Variants in SVOPL observed in about 807,000 individuals in gnomAD.
The protein encoded by SVOPL is SVOP like, also known as putative transporter SVOPL.
A neutral mutation model predicts 61.0 loss-of-function variants in SVOPL; 60 were observed. The observed-to-expected ratio is 0.98, with a 90% CI of 0.80 to 1.22. SVOPL has a LOEUF of 1.22. Ranked by LOEUF, SVOPL falls within the 50% of genes most tolerant of loss-of-function variation. SVOPL has a pLI of 0.00. For synonymous variants in SVOPL, 279 were observed against 250.0 expected (o/e 1.12, Z -1.09); for missense variants, 662 against 643.9 (o/e 1.03, Z -0.30).
At chr7:138,642,569 G>A (rs1211825057) in intron 9 of SVOPL, among the ~76,000 whole-genome samples, 1 of 151,940 alleles carries the variant, frequency 6.6e-6, no homozygotes, top group Non-Finnish European at 1.5e-5. Flanking sequence ...GCTCACACCT[G>A]TAATCCTAGC....
Position 138,602,874 on chromosome 7 carries a change from A to G in SVOPL, c.1354-6344T>C, listed in dbSNP as rs2116763979. Among the ~76,000 whole-genome samples the G allele has an allele frequency of 1.3e-5, 2 of 152,248 alleles. 1 individual carries two copies. Among genetic ancestry groups the G allele is most frequent in the South Asian group, 4.2e-4 (2 of 4,816 alleles). On this transcript the variant is annotated intron_variant, in intron 14 of 15. Coordinates refer to ENST00000674285, the MANE Select transcript of SVOPL (RefSeq NM_001139456.2). ...CCTCTTGGTGTGTGTTCGTGTCATC[A>G]GTCTCAACAAGTGAACCAAACTTTG...
chr7:138,611,391 C>G (rs569568282), intron 14 of SVOPL, among the ~76,000 whole-genome samples: 1 of 149,670 alleles, frequency 6.7e-6, no homozygotes, highest in East Asian at 2.0e-4. Flanking sequence ...AACCCCCAAC[C>G]CCAAAACAAA....
At chr7:138,654,951 G>A (rs929502192) in intron 7 of SVOPL, among the ~76,000 whole-genome samples, 1 of 150,962 alleles carries the variant, frequency 6.6e-6, no homozygotes, top group Admixed American at 6.6e-5. Context: ...AGCACTTTAG[G>A]AGGCCAAGGC....
intron 14 of SVOPL, among the ~76,000 whole-genome samples, chr7:138,602,852 C>T (rs1377337565): frequency 6.6e-6 from 1 of 152,044 alleles, no homozygotes; most frequent in Non-Finnish European, 1.5e-5. Context: ...TTTATGCCCT[C>T]TTGGTGTGTG....
At chr7:138,682,990 A>T (rs565567600) in intron 1 of SVOPL, among the ~76,000 whole-genome samples, 69 of 151,946 alleles carry the variant, frequency 4.5e-4, no homozygotes, top group African/African-American at 1.5e-3. Flanking sequence ...AAAGAAAAAA[A>T]AAAGAAAAAC....
chr7:138,662,321 A>G (rs1444990449), intron 5 of SVOPL: 1 of 985,230 alleles, frequency 1.0e-6, no homozygotes, highest in East Asian at 1.1e-4. Context: ...TGTAATTTGG[A>G]CTTCTCTTTT....
At chr7:138,667,014 T>G (rs1373621954) in intron 4 of SVOPL, among the ~76,000 whole-genome samples, 1 of 152,244 alleles carries the variant, frequency 6.6e-6, no homozygotes, top group African/African-American at 2.4e-5. Flanking sequence ...TTAGCCATCC[T>G]GGTGGTCTTT....
chr7:138,697,194 G>T (rs2117150021), intron 1 of SVOPL, among the ~76,000 whole-genome samples: 1 of 152,084 alleles, frequency 6.6e-6, no homozygotes, highest in African/African-American at 2.4e-5. Context: ...AACAGAGTGA[G>T]ACCCCCATCT....
intron 8 of SVOPL, 54 bp from the exon 9 acceptor site, chr7:138,644,899 G>A: frequency 6.2e-7 from 1 of 1,610,304 alleles, no homozygotes; most frequent in Non-Finnish European, 8.5e-7. Flanking sequence ...GAACCCAGGG[G>A]TACAGCTATT....
chr7:138,630,246 C>CATAGG, intron 9 of SVOPL, 124 bp from the exon 10 acceptor site: 1 of 745,122 alleles, frequency 1.3e-6, no homozygotes. Flanking sequence ...GATAACCACT[C>CATAGG]AGCTCCTATG....
Position 138,637,485 on chromosome 7 carries a change from TAGATAG to T in SVOPL, c.789+7226_789+7231del, listed in dbSNP as rs1563108870. Among the ~76,000 whole-genome samples, 45 of 12,716 alleles carry T rather than the reference TAGATAG, an allele frequency of 3.5e-3. 1 individual carries two copies. The highest frequency in any genetic ancestry group is 0.014 in the African/African-American group (40 of 2,876). The allele number at this position is 12,716 out of a possible 152,430, so 8.3% of individuals were successfully genotyped here. On this transcript the variant is annotated intron_variant, in intron 9 of 15. Transcript: ENST00000674285. The stretch of plus-strand genomic sequence containing the variant: ...ATATATATAGATATAGATATAGATA[TAGATAG>T]ATATATATATATATATATAGATAGA...
intron 12 of SVOPL, among the ~76,000 whole-genome samples, chr7:138,627,060 C>T (rs1468234659): frequency 1.3e-5 from 2 of 152,056 alleles, no homozygotes; most frequent in Non-Finnish European, 2.9e-5. Flanking sequence ...AACCAGAGTC[C>T]CGATTCTCCA....
At chr7:138,686,561 GGT>G (rs1491160208) in intron 1 of SVOPL, among the ~76,000 whole-genome samples, 23 of 131,274 alleles carry the variant, frequency 1.8e-4, no homozygotes, top group South Asian at 6.9e-4. Flanking sequence ...TTGTTTTTTG[GGT>G]TTTTTTTTTT....
At chr7:138,675,556 A>G (rs1802538346) in intron 3 of SVOPL, among the ~76,000 whole-genome samples, 1 of 152,020 alleles carries the variant, frequency 6.6e-6, no homozygotes, top group Non-Finnish European at 1.5e-5. Flanking sequence ...AGGGTTTGCC[A>G]TGTTGATAAG....
At chr7:138,663,349 G>T in intron 4 of SVOPL, 1 of 1,419,530 alleles carries the variant, frequency 7.0e-7, no homozygotes. Context: ...AGCCTAACAA[G>T]GCAGATCCTG....
At chr7:138,622,166 G>GTATC (rs1265913848) in intron 13 of SVOPL, among the ~76,000 whole-genome samples, 1 of 35,238 alleles carries the variant, frequency 2.8e-5, no homozygotes, top group African/African-American at 1.0e-4. Context: ...ATCTGTCTAT[G>GTATC]TATCTATCTG....
intron 14 of SVOPL, among the ~76,000 whole-genome samples, chr7:138,606,950 T>C (rs1010862356): frequency 2.0e-5 from 3 of 149,292 alleles, no homozygotes; most frequent in African/African-American, 7.3e-5. Flanking sequence ...CTAGACTCTG[T>C]CTCAAGAAAA....
intron 7 of SVOPL, among the ~76,000 whole-genome samples, chr7:138,655,616 G>A (rs1469984263): frequency 6.8e-6 from 1 of 147,632 alleles, no homozygotes; most frequent in Non-Finnish European, 1.5e-5. Flanking sequence ...AGTAATATAT[G>A]TGCATATAAA....
chr7:138,595,587 A>G (rs1352742668), intron 15 of SVOPL, among the ~76,000 whole-genome samples: 1 of 152,202 alleles, frequency 6.6e-6, no homozygotes, highest in African/African-American at 2.4e-5. Context: ...GTGACGCTAA[A>G]TTCCTATCCC....
Sources: allele counts gnomAD v4.1 joint callset (sites outside exome capture counted in the v4.1 genomes callset), GRCh38; gene constraint gnomAD v4.1.1; transcripts MANE v1.5; gene names NCBI Gene and HGNC (gene_info 2026-07-23, HGNC 2026-07-21).